Variants in SLC7A5 observed in about 807,000 individuals in gnomAD.
SLC7A5 encodes solute carrier family 7 member 5.
In SLC7A5, 23 loss-of-function variants were observed where a neutral mutation model predicts 50.2. The ratio of observed to expected loss-of-function variants is 0.46; its 90% CI spans 0.33 to 0.65. The LOEUF (loss-of-function observed/expected upper bound fraction) is 0.65, where lower values mean the gene tolerates loss of function less well. Among genes scored for constraint, SLC7A5 ranks in the 30% least tolerant of loss-of-function variants. SLC7A5 has a pLI of 0.02. For synonymous variants in SLC7A5, 393 were observed against 330.6 expected, an observed-to-expected ratio of 1.19 and a Z score of -2.05; for missense variants, 578 against 684.4, an observed-to-expected ratio of 0.84 and a Z score of 1.73.
Position 87,869,039 on chromosome 16 carries a change from G to A in SLC7A5, c.384C>T (p.Pro128=), listed in dbSNP as rs774985008. 6.2e-7 allele frequency: 1 copy of A among 1,611,686 alleles called. No individual in the cohort carries two copies. Among genetic ancestry groups the A allele is most frequent in the East Asian group, 2.2e-5 (1 of 44,868 alleles). The change falls in exon 1 of 10, where the codon CCC becomes CCT. Residue 128 remains proline, a synonymous_variant. Coordinates refer to ENST00000261622, the MANE Select transcript of SLC7A5 (RefSeq NM_003486.7). ...GCTCGATCCAGAGCTTGAGGAAGGCGGGCAGCGAGCCGTAGACCTCCAGCA... is the reference window on the plus strand; with the variant it reads ...GCTCGATCCAGAGCTTGAGGAAGGCAGGCAGCGAGCCGTAGACCTCCAGCA... ...AYMLEVYGSL[P]AFLKLWIELL...
chr16:87,839,541 G>A (rs576080439), intron 5 of SLC7A5, among the ~76,000 whole-genome samples, 161 bp downstream of exon 5: 2 of 152,278 alleles, frequency 1.3e-5, no homozygotes, highest in Admixed American at 6.5e-5. Context: ...GCTGTGAGGG[G>A]AGACCACCAC....
chr16:87,836,567 G>C lies in SLC7A5; in HGVS notation c.1221C>G (p.Cys407Trp). 6.2e-7 allele frequency: 1 copy of C among 1,613,656 alleles called. No homozygotes were observed. The highest frequency in any genetic ancestry group is 8.5e-7 in the Non-Finnish European group (1 of 1,180,014). ...TCATGCCGATGATGGCCAGGGCCAC[G>C]CAGAGCCAGTTGAAGAAGCTGAAGA... Reference protein sequence around the residue: ...INFFSFFNWLCVALAIIGMIW... With the variant: ...INFFSFFNWLWVALAIIGMIW... Residue 407 changes from cysteine to tryptophan, a missense_variant, in exon 8 of 10, where the codon TGC (cysteine) becomes TGG (tryptophan). Physicochemically the swap from Cys to Trp is radical, Grantham distance 215. Transcript: ENST00000261622.
In SLC7A5 at chr16:87,833,529, G is replaced by A. The variant is rs2054958343; in HGVS notation, c.1469-504C>T. On this transcript the variant is annotated intron_variant, in intron 9 of 9. Coordinates refer to ENST00000261622, the MANE Select transcript of SLC7A5 (RefSeq NM_003486.7). This position sits in a 1 kb window ranked among gnomAD's most constrained non-coding sequence, Gnocchi z 6.0. ...GGACTGCTTTCAGGATAGAGACGGG[G>A]GTTTGCTTTAAGCTCTTGGTGTCCT... is the stretch of plus-strand genomic sequence containing the variant. Among the ~76,000 whole-genome samples the A allele has an allele frequency of 6.6e-6, 1 of 152,188 alleles. No homozygotes were observed. Among genetic ancestry groups the A allele is most frequent in the Admixed American group, 6.5e-5 (1 of 15,282 alleles).
At chr16:87,836,687 G>A (rs1401659749) in intron 7 of SLC7A5, 40 bp from the exon 8 acceptor site, 18 of 1,605,850 alleles carry the variant, frequency 1.1e-5, no homozygotes, top group Admixed American at 6.7e-5. Context: ...TGGGGCCCAC[G>A]AGCAGGGCTG....
In SLC7A5 at chr16:87,862,772, C is replaced by T. The variant is rs565909837; in HGVS notation, c.538+6113G>A. 6.6e-5 allele frequency among the ~76,000 whole-genome samples: 10 copies of T among 152,320 alleles called. No individual in the cohort carries two copies. Among genetic ancestry groups the T allele is most frequent in the Admixed American group, 4.6e-4 (7 of 15,304 alleles). ...ATTCCACAGTCAGAAACAGGCTCGG[C>T]GGGGCCAGGTGGATTTCTCAAAGCC... On this transcript the variant is annotated intron_variant, in intron 1 of 9. Coordinates refer to ENST00000261622, the MANE Select transcript of SLC7A5 (RefSeq NM_003486.7). This position sits in a 1 kb window ranked among gnomAD's most constrained non-coding sequence, Gnocchi z 5.3.
At chr16:87,842,389 C>T (rs1038555927) in intron 2 of SLC7A5, among the ~76,000 whole-genome samples, 17 of 152,212 alleles carry the variant, frequency 1.1e-4, no homozygotes, top group Non-Finnish European at 1.9e-4. Flanking sequence ...GTCCAGGGAA[C>T]ACCGCAGAGT....
chr16:87,869,351 C>T lies in SLC7A5; in HGVS notation c.72G>A (p.Glu24=). Reference sequence around the variant, plus strand: ...CCGCGCTCTTGGCGGCCAGCATCTTCTCCCGCGCCTCTTCCTTCTCCTCGG... The same window carrying T: ...CCGCGCTCTTGGCGGCCAGCATCTTTTCCCGCGCCTCTTCCTTCTCCTCGG... ...PAAEEKEEAR[E]KMLAAKSADG... Residue 24 remains glutamate (E), a synonymous_variant, in exon 1 of 10, where the codon GAG becomes GAA. Coordinates refer to ENST00000261622, the MANE Select transcript of SLC7A5 (RefSeq NM_003486.7). The T allele has an allele frequency of 6.2e-7, 1 of 1,608,996 alleles. No individual in the cohort carries two copies.
Position 87,841,756 on chromosome 16 carries a change from G to A in SLC7A5, c.665-601C>T, listed in dbSNP as rs149730239. On this transcript the variant is annotated intron_variant, in intron 2 of 9. Coordinates refer to ENST00000261622, the MANE Select transcript of SLC7A5 (RefSeq NM_003486.7). The surrounding 1 kb of genome is among the most constrained non-coding windows in gnomAD (Gnocchi z 4.8). Reference sequence around the variant, plus strand: ...GCTGCCAGGGCCGAGAACGATCCCCGTGCTGTGTGCAGAGCTCTCTCCTTT... The same window carrying A: ...GCTGCCAGGGCCGAGAACGATCCCCATGCTGTGTGCAGAGCTCTCTCCTTT... Among the ~76,000 whole-genome samples, 2 of 152,358 alleles carry A rather than the reference G, an allele frequency of 1.3e-5. No individual in the cohort carries two copies. The highest frequency in any genetic ancestry group is 6.5e-5 in the Admixed American group (1 of 15,308).
chr16:87,863,870 C>G (rs780931689), intron 1 of SLC7A5, among the ~76,000 whole-genome samples: 26 of 151,400 alleles, frequency 1.7e-4, no homozygotes, highest in East Asian at 7.8e-4. Context: ...GGATCCAGAC[C>G]CGAAAGCCAC....
At chr16:87,859,826 A>G (rs1423892851) in intron 1 of SLC7A5, among the ~76,000 whole-genome samples, 1 of 152,148 alleles carries the variant, frequency 6.6e-6, no homozygotes, top group Non-Finnish European at 1.5e-5. Context: ...CTGCAATCCC[A>G]GCTACTTGCG....
intron 1 of SLC7A5, among the ~76,000 whole-genome samples, chr16:87,863,986 A>AAAAAATATATATAT (rs376938738): frequency 2.4e-5 from 2 of 83,280 alleles, no homozygotes; most frequent in African/African-American, 7.8e-5. Context: ...ATCATTTAAA[A>AAAAAATATATATAT]ATATATATAT....
rs1458643679 is a variant in SLC7A5, at chr16:87,861,964, G to A, written c.538+6921C>T. Among the ~76,000 whole-genome samples the A allele has an allele frequency of 2.6e-5, 4 of 152,224 alleles. No individual in the cohort carries two copies. The highest frequency in any genetic ancestry group is 5.9e-5 in the Non-Finnish European group (4 of 68,040). ...TGGCTGCCGCCTGCAATGAGCCCACGGCTTGAGCTCTGGGGCCCACCCAGC... is the reference window on the plus strand; with the variant it reads ...TGGCTGCCGCCTGCAATGAGCCCACAGCTTGAGCTCTGGGGCCCACCCAGC... On this transcript the variant is annotated intron_variant, in intron 1 of 9. Coordinates refer to ENST00000261622, the MANE Select transcript of SLC7A5 (RefSeq NM_003486.7). The surrounding 1 kb of genome is among the most constrained non-coding windows in gnomAD (Gnocchi z 4.2).
intron 5 of SLC7A5, among the ~76,000 whole-genome samples, chr16:87,839,338 C>T (rs567909539): frequency 2.0e-5 from 3 of 152,350 alleles, no homozygotes; most frequent in East Asian, 3.9e-4. Flanking sequence ...TGCCTTCTAA[C>T]GAACCCCACT....
rs1484472706 is a variant in SLC7A5 at position 87,831,277 on chromosome 16, A to T, written c.*1693T>A. The T allele has an allele frequency of 6.6e-6, 1 of 152,378 alleles. No homozygotes were observed. The highest frequency in any genetic ancestry group is 1.5e-5 in the Non-Finnish European group (1 of 68,156). The allele number at this position is 152,378 out of a possible 1,614,324, so 9.4% of individuals were successfully genotyped here. A position where few individuals can be genotyped will look rare whatever the true frequency, so the allele number is the denominator to read the frequency against. ...GACGCTGTGAAGTCTGTCCATGTGC[A>T]GCGGGAAGCAACGGGGCAGGGGTGA... On this transcript the variant is annotated 3_prime_UTR_variant, in exon 10 of 10. Coordinates refer to ENST00000261622, the MANE Select transcript of SLC7A5 (RefSeq NM_003486.7).
rs1359320057 is a variant in SLC7A5 at position 87,852,896 on chromosome 16, C to T, written c.539-1047G>A. 6.6e-6 allele frequency among the ~76,000 whole-genome samples: 1 copy of T among 152,190 alleles called. No homozygotes were observed. Among genetic ancestry groups the T allele is most frequent in the African/African-American group, 2.4e-5 (1 of 41,434 alleles). ...GGCACTGACTCCACGACACCCCTCA[C>T]TGCCTGCTGCACTACCCTTCACTCC... On this transcript the variant is annotated intron_variant, in intron 1 of 9. Transcript: ENST00000261622. This position sits in a 1 kb window ranked among gnomAD's most constrained non-coding sequence, Gnocchi z 4.5.
Position 87,869,484 on chromosome 16 carries a change from G to T in SLC7A5, c.-62C>A. 1 of 1,131,698 alleles carries T rather than the reference G, an allele frequency of 8.8e-7. No homozygotes were observed. Among genetic ancestry groups the T allele is most frequent in the Non-Finnish European group, 1.1e-6 (1 of 919,064 alleles). The allele number at this position is 1,131,698 out of a possible 1,614,324, so 70.1% of individuals were successfully genotyped here. On this transcript the variant is annotated 5_prime_UTR_variant, in exon 1 of 10. Transcript: ENST00000261622. ...CCGCGGCCCAGCGAGCAGTGTGCGC[G>T]CCGCCCGCCGCCCGCAGCTGCGTCA...
intron 1 of SLC7A5, among the ~76,000 whole-genome samples, chr16:87,866,894 C>T (rs1477400322): frequency 6.6e-6 from 1 of 152,104 alleles, no homozygotes; most frequent in African/African-American, 2.4e-5. Flanking sequence ...CCACGACTCA[C>T]TCCTGGCACC....
At chr16:87,839,111 C>A (rs190315086) in intron 5 of SLC7A5, among the ~76,000 whole-genome samples, 4 of 152,228 alleles carry the variant, frequency 2.6e-5, no homozygotes, top group East Asian at 1.9e-4. Flanking sequence ...TGCCTTCCCC[C>A]GTGGGGTCCT....
In SLC7A5 at chr16:87,860,837, G is replaced by A. The variant is rs1439580916; in HGVS notation, c.538+8048C>T. On this transcript the variant is annotated intron_variant, in intron 1 of 9. Coordinates refer to ENST00000261622, the MANE Select transcript of SLC7A5 (RefSeq NM_003486.7). The surrounding 1 kb of genome is among the most constrained non-coding windows in gnomAD (Gnocchi z 4.8). The stretch of plus-strand genomic sequence containing the variant: ...CGTAGTGGGCAAATCCTAGGGCAGG[G>A]GAGGGGCGGGCAATGCCAGAGAACG... 2.0e-5 allele frequency among the ~76,000 whole-genome samples: 3 copies of A among 152,220 alleles called. No individual in the cohort carries two copies. The highest frequency in any genetic ancestry group is 4.8e-5 in the African/African-American group (2 of 41,456).
Sources: gnomAD v4.1 joint callset for allele counts (sites outside exome capture counted in the v4.1 genomes callset) on GRCh38, gnomAD v4.1.1 for gene constraint, Gnocchi (gnomAD v3.1) non-coding constraint, MANE v1.5 for transcripts, NCBI Gene and HGNC (gene_info 2026-07-23, HGNC 2026-07-21) for gene names.